Variants in ZFR observed in about 807,000 individuals in gnomAD.
ZFR encodes zinc finger RNA-binding protein.
In ZFR, 19 loss-of-function variants were observed where a neutral mutation model predicts 130.7. The observed-to-expected ratio is 0.15, with a 90% confidence interval of 0.10 to 0.21. ZFR has a LOEUF of 0.21. ZFR is among the 10% of genes least tolerant of loss of function. The probability of loss-of-function intolerance (pLI) is 1.00; values close to 1 mark genes in which losing one functional copy is unlikely to be tolerated. For missense variants in ZFR, 872 were observed against 1,321.5 expected, an observed-to-expected ratio of 0.66 and a Z score of 5.27; for synonymous variants, 466 against 456.9, an observed-to-expected ratio of 1.02 and a Z score of -0.25.
intron 4 of ZFR, among the ~76,000 whole-genome samples, chr5:32,416,352 C>T (rs1029865253): frequency 2.6e-5 from 4 of 151,914 alleles, no homozygotes; most frequent in African/African-American, 9.7e-5. Context: ...TGGTGGCTCA[C>T]GCCTGTAATC....
At chr5:32,436,050 T>C (rs1348984010) in intron 2 of ZFR, among the ~76,000 whole-genome samples, 1 of 152,098 alleles carries the variant, frequency 6.6e-6, no homozygotes, top group East Asian at 1.9e-4. Flanking sequence ...CTTTTGGTTT[T>C]CATGACCCTA....
intron 2 of ZFR, among the ~76,000 whole-genome samples, chr5:32,441,311 T>C (rs919726182): frequency 1.4e-4 from 21 of 152,196 alleles, no homozygotes; most frequent in African/African-American, 4.8e-4. Flanking sequence ...ATGTTTACTT[T>C]ATCTGTATTC....
At chr5:32,428,049 G>A (rs1402327923) in intron 2 of ZFR, among the ~76,000 whole-genome samples, 2 of 152,150 alleles carry the variant, frequency 1.3e-5, no homozygotes, top group Non-Finnish European at 2.9e-5. Flanking sequence ...TTCATGACAT[G>A]AAATTTGGCA....
chr5:32,388,866 A>G (rs891547347), intron 12 of ZFR, among the ~76,000 whole-genome samples, 192 bp from the exon 13 acceptor site: 1 of 152,152 alleles, frequency 6.6e-6, no homozygotes, highest in Admixed American at 6.5e-5. Flanking sequence ...GTATGCATGC[A>G]TGCATGCATG....
intron 13 of ZFR, among the ~76,000 whole-genome samples, chr5:32,388,151 CAACA>C (rs901302394): frequency 1.3e-5 from 2 of 152,096 alleles, no homozygotes; most frequent in Non-Finnish European, 2.9e-5. Context: ...GGGGCAGAAG[CAACA>C]AACAAATAAG....
chr5:32,364,385 G>C, intron 17 of ZFR, 110 bp from the exon 18 acceptor site: 1 of 696,278 alleles, frequency 1.4e-6, no homozygotes, highest in South Asian at 2.3e-5. Context: ...AAGCTACATA[G>C]AACAAGTCAC....
chr5:32,408,789 T>A (rs1315904561), intron 5 of ZFR, among the ~76,000 whole-genome samples: 1 of 152,256 alleles, frequency 6.6e-6, no homozygotes, highest in Admixed American at 6.5e-5. Flanking sequence ...TTATCACTGA[T>A]ATACAGCTAC....
chr5:32,368,516 G>A (rs1752596468), intron 17 of ZFR, among the ~76,000 whole-genome samples: 1 of 152,214 alleles, frequency 6.6e-6, no homozygotes, highest in South Asian at 2.1e-4. Flanking sequence ...GATTACAGGT[G>A]TGAGCCATTG....
At chr5:32,387,757 T>C in intron 13 of ZFR, 58 bp from the exon 14 acceptor site, 8 of 1,503,664 alleles carry the variant, frequency 5.3e-6, no homozygotes, top group Non-Finnish European at 7.2e-6. Context: ...AGCATGATAT[T>C]CTGTAAACAT....
At chr5:32,387,785 A>G (rs1753073036) in intron 13 of ZFR, 86 bp from the exon 14 acceptor site, 5 of 1,315,850 alleles carry the variant, frequency 3.8e-6, no homozygotes, top group Non-Finnish European at 5.0e-6. Flanking sequence ...TAAGTGAAAT[A>G]ACTTTTGTGC....
chr5:32,408,313 T>TAA (rs781068231), intron 5 of ZFR, among the ~76,000 whole-genome samples: 14 of 71,258 alleles, frequency 2.0e-4, no homozygotes, highest in South Asian at 5.9e-4. Flanking sequence ...AACGTTTGAT[T>TAA]AAAAAAAAAA....
intron 2 of ZFR, among the ~76,000 whole-genome samples, chr5:32,439,424 A>G (rs1206504927): frequency 6.6e-6 from 1 of 152,208 alleles, no homozygotes; most frequent in Non-Finnish European, 1.5e-5. Context: ...AGAGAAAGGA[A>G]AAAAGGAAAA....
chr5:32,385,426 T>A, intron 15 of ZFR, 82 bp downstream of exon 15: 1 of 1,517,092 alleles, frequency 6.6e-7, no homozygotes, highest in Non-Finnish European at 8.9e-7. Flanking sequence ...CATGTTGCCT[T>A]CTAGGGCTTA....
chr5:32,398,459 C>A (rs564657837), intron 9 of ZFR, among the ~76,000 whole-genome samples: 1 of 152,072 alleles, frequency 6.6e-6, no homozygotes, highest in African/African-American at 2.4e-5. Context: ...TTCAAATTGT[C>A]CAAGCTTTAA....
chr5:32,442,509 C>T (rs1489592403), intron 2 of ZFR, among the ~76,000 whole-genome samples: 1 of 152,132 alleles, frequency 6.6e-6, no homozygotes, highest in Non-Finnish European at 1.5e-5. Context: ...TATAAGCAAA[C>T]GATTTGCTAA....
chr5:32,437,081 T>C (rs1754354174), intron 2 of ZFR, among the ~76,000 whole-genome samples: 1 of 152,242 alleles, frequency 6.6e-6, no homozygotes, highest in South Asian at 2.1e-4. Context: ...TATTATATCA[T>C]GCAATCCAGA....
chr5:32,409,546 C>T (rs1010424028), intron 5 of ZFR, among the ~76,000 whole-genome samples: 1 of 151,350 alleles, frequency 6.6e-6, no homozygotes, highest in Non-Finnish European at 1.5e-5. Flanking sequence ...GCTGGGATTA[C>T]AGGCGTGTAC....
chr5:32,444,666 G>T lies in ZFR; in HGVS notation c.-8C>A, dbSNP rs551631582. 2.8e-5 allele frequency: 43 copies of T among 1,510,726 alleles called. No individual in the cohort carries two copies. In the South Asian group the frequency reaches 5.0e-4, roughly 18 times the overall value. 93.6% of individuals were successfully genotyped at this position (1,510,726 alleles called of 1,614,324 possible). On this transcript the variant is annotated 5_prime_UTR_variant, in exon 1 of 20. Transcript: ENST00000265069. The stretch of plus-strand genomic sequence containing the variant: ...AGGGCATATGGGAATCATGGGCTCG[G>T]GCTGCTGCTGCTGAACTCTGAACTC...
chr5:32,403,454 T>C (rs1753513175), intron 7 of ZFR, 57 bp from the exon 8 acceptor site: 1 of 1,544,010 alleles, frequency 6.5e-7, no homozygotes. Flanking sequence ...TTGAAAAGTC[T>C]GCCTGGAACA....
Sources: allele counts gnomAD v4.1 joint callset (sites outside exome capture counted in the v4.1 genomes callset), GRCh38; gene constraint gnomAD v4.1.1; transcripts MANE v1.5; gene names NCBI Gene and HGNC (gene_info 2026-07-23, HGNC 2026-07-21).